Variants in MYO10 observed in about 807,000 individuals in gnomAD.
The protein encoded by MYO10 is myosin X.
In MYO10, 133 loss-of-function variants were observed where a neutral mutation model predicts 257.3. The ratio of observed to expected loss-of-function variants is 0.52; its 90% CI spans 0.45 to 0.60. The LOEUF is 0.60. MYO10 is among the 20% of genes least tolerant of loss of function. The pLI, the probability that MYO10 is intolerant of heterozygous loss-of-function variation, is 0.00. For synonymous variants in MYO10, 1,104 were observed against 1,028.6 expected (o/e 1.07, Z -1.40); for missense variants, 2,399 against 2,635.7 (o/e 0.91, Z 1.97).
chr5:16,917,022 G>A (rs774481106), intron 1 of MYO10, among the ~76,000 whole-genome samples: 3 of 152,108 alleles, frequency 2.0e-5, no homozygotes, highest in Admixed American at 6.5e-5. Context: ...AGGATCAGTG[G>A]AAACTCAAAG....
At chr5:16,680,573 C>G (rs1457090826) in intron 32 of MYO10, among the ~76,000 whole-genome samples, 1 of 152,152 alleles carries the variant, frequency 6.6e-6, no homozygotes, top group Admixed American at 6.5e-5. Context: ...TCACCCAAAC[C>G]TGACGCGAAT....
chr5:16,852,101 GGAAA>G (rs1743823974), intron 2 of MYO10, among the ~76,000 whole-genome samples: 1 of 146,582 alleles, frequency 6.8e-6, no homozygotes, highest in Non-Finnish European at 1.5e-5. Flanking sequence ...TCACTGGGAA[GGAAA>G]GAAGGAAGGA....
intron 2 of MYO10, among the ~76,000 whole-genome samples, chr5:16,851,093 C>G (rs898875173): frequency 6.6e-6 from 1 of 152,114 alleles, no homozygotes; most frequent in Non-Finnish European, 1.5e-5. Context: ...TGTGAGCCAC[C>G]ACACCTGGCT....
chr5:16,919,699 G>A (rs200799784), intron 1 of MYO10, among the ~76,000 whole-genome samples: 9 of 152,256 alleles, frequency 5.9e-5, no homozygotes, highest in South Asian at 4.1e-4. Flanking sequence ...CACACAGGCC[G>A]GGCGCAGTGG....
intron 2 of MYO10, among the ~76,000 whole-genome samples, chr5:16,871,141 C>A (rs1360746626): frequency 6.6e-6 from 1 of 152,186 alleles, no homozygotes; most frequent in Non-Finnish European, 1.5e-5. Flanking sequence ...GTTTCATCTT[C>A]CAAAACTGAA....
At chr5:16,861,635 A>G (rs572762254) in intron 2 of MYO10, among the ~76,000 whole-genome samples, 117 of 152,302 alleles carry the variant, frequency 7.7e-4, no homozygotes, top group African/African-American at 2.7e-3. Context: ...GAACCTTCCA[A>G]TCTTAAAAAG....
At position 16,701,315 on chromosome 5, in the gene MYO10, T is replaced by C; in HGVS notation, c.3080A>G (p.Asp1027Gly). 6.2e-7 allele frequency: 1 copy of C among 1,613,864 alleles called. No individual in the cohort carries two copies. The highest frequency in any genetic ancestry group is 8.5e-7 in the Non-Finnish European group (1 of 1,179,816). The change falls in exon 25 of 41, where the codon GAT becomes GGT. Residue 1027 changes from aspartate to glycine, a missense_variant. By Grantham distance (94) the Asp-to-Gly change is moderately conservative. Around this residue, in one of 3 missense-constraint regions of MYO10, gnomAD observed 1,820 missense variants for 1,939.4 expected, o/e 0.94. Transcript: ENST00000513610. The surrounding 1 kb of genome is among the most constrained non-coding windows in gnomAD (Gnocchi z 8.1). Reference sequence around the variant, plus strand: ...GTATGGGTCCTCCTCTGAAGAGTCATCGCTGGTCCGGATGCCACTTGTTCG... The same window carrying C: ...GTATGGGTCCTCCTCTGAAGAGTCACCGCTGGTCCGGATGCCACTTGTTCG... Reference protein sequence around the residue: ...DQRTSGIRTSDDSSEEDPYMN... With the variant: ...DQRTSGIRTSGDSSEEDPYMN...
At chr5:16,711,554 C>T (rs922568237) in intron 19 of MYO10, among the ~76,000 whole-genome samples, 6 of 152,262 alleles carry the variant, frequency 3.9e-5, no homozygotes, top group East Asian at 1.9e-4. Context: ...GAGGCCGAGG[C>T]GGGTGGATCA....
intron 19 of MYO10, among the ~76,000 whole-genome samples, chr5:16,730,844 C>T (rs1240697509): frequency 1.3e-5 from 2 of 152,048 alleles, no homozygotes; most frequent in Non-Finnish European, 2.9e-5. Flanking sequence ...GGATGCAGCA[C>T]GCTGCGGAGG....
At chr5:16,807,715 C>G in intron 3 of MYO10, among the ~76,000 whole-genome samples, 1 of 152,120 alleles carries the variant, frequency 6.6e-6, no homozygotes, top group East Asian at 1.9e-4. Context: ...GCTGCCAGGA[C>G]AGCTATCCTC....
intron 2 of MYO10, among the ~76,000 whole-genome samples, chr5:16,838,588 G>C (rs941769829): frequency 1.3e-5 from 2 of 152,188 alleles, no homozygotes; most frequent in Admixed American, 6.5e-5. Context: ...TGACAAAGAA[G>C]CTGCAGCAAG....
Position 16,763,837 on chromosome 5 carries a change from C to A in MYO10, c.1327-82G>T, listed in dbSNP as rs1470269558. On this transcript the variant is annotated intron_variant, in intron 12 of 40. Transcript: ENST00000513610. ...GGTGAAGAAAAGACAAAGAAAAGAT[C>A]TGCAGAGAAAAATATCAATGCCTGT... 5.6e-6 allele frequency: 5 copies of A among 898,510 alleles called. No individual in the cohort carries two copies. The Admixed American group carries it at 1.0e-4, about 18-fold the overall frequency. 55.7% of individuals were successfully genotyped at this position (898,510 alleles called of 1,614,324 possible).
intron 19 of MYO10, among the ~76,000 whole-genome samples, chr5:16,750,398 A>AC (rs960570462): frequency 3.8e-4 from 57 of 151,944 alleles, no homozygotes; most frequent in African/African-American, 1.3e-3. Context: ...TACATAGAAA[A>AC]CCCAAATTAA....
In MYO10 at chr5:16,729,564, G is replaced by C. The variant is rs183502013; in HGVS notation, c.1930-18319C>G. On this transcript the variant is annotated intron_variant, in intron 19 of 40. Transcript: ENST00000513610. ...CCTCCCGGGTTCACACCATTCTCCT[G>C]CCTCAGCCTCCCGGGTAGCTGGGAC... is the stretch of plus-strand genomic sequence containing the variant. 6.7e-3 allele frequency among the ~76,000 whole-genome samples: 1,004 copies of C among 150,882 alleles called. 5 individuals carry two copies. Among genetic ancestry groups the C allele is most frequent in the Non-Finnish European group, 0.01 (710 of 67,882 alleles).
chr5:16,850,512 G>A (rs60197098), intron 2 of MYO10, among the ~76,000 whole-genome samples: 2,430 of 152,086 alleles, frequency 0.016, 65 homozygotes, highest in African/African-American at 0.055. Flanking sequence ...TTCTGACCTC[G>A]TGATCCAGCT....
chr5:16,741,600 GTCCT>G (rs1740020195), intron 19 of MYO10, among the ~76,000 whole-genome samples: 1 of 152,084 alleles, frequency 6.6e-6, no homozygotes, highest in Non-Finnish European at 1.5e-5. Flanking sequence ...AGTGAATTGT[GTCCT>G]TCATTTTTAC....
rs767564646 is a variant in MYO10, at chr5:16,689,903, T to G, written c.3817A>C (p.Thr1273Pro). Residue 1273 changes from threonine (T) to proline (P), a missense_variant, in exon 28 of 41, where the codon ACC becomes CCC. By Grantham distance (38) the Thr-to-Pro change is conservative. Coordinates refer to ENST00000513610, the MANE Select transcript of MYO10 (RefSeq NM_012334.3). Reference sequence around the variant, plus strand: ...ATGTCGATCCCATTCTCCTTGGTGGTGTTATCTATGATCTCTCTGCAAAGA... The same window carrying G: ...ATGTCGATCCCATTCTCCTTGGTGGGGTTATCTATGATCTCTCTGCAAAGA... ...VRTAKEIIDNTTKENGIDIIM... is the reference protein window; with the variant it reads ...VRTAKEIIDNPTKENGIDIIM... 4 of 1,613,174 alleles carry G rather than the reference T, an allele frequency of 2.5e-6. No homozygotes were observed. Among genetic ancestry groups the G allele is most frequent in the Non-Finnish European group, 3.4e-6 (4 of 1,179,332 alleles).
At chr5:16,766,313 T>A in intron 10 of MYO10, 115 bp from the exon 11 acceptor site, 1 of 722,252 alleles carries the variant, frequency 1.4e-6, no homozygotes, top group East Asian at 2.7e-5. Flanking sequence ...GTTTAGAGAT[T>A]GCATGTTATT....
intron 1 of MYO10, among the ~76,000 whole-genome samples, chr5:16,887,143 G>A (rs963588067): frequency 6.6e-6 from 1 of 152,048 alleles, no homozygotes; most frequent in East Asian, 1.9e-4. Context: ...GGGAAGGATC[G>A]AATAGCACCC....
Sources: allele counts gnomAD v4.1 joint callset (sites outside exome capture counted in the v4.1 genomes callset), GRCh38; gene constraint gnomAD v4.1.1; regional missense constraint gnomAD v4.1.1; non-coding constraint Gnocchi (gnomAD v3.1); transcripts MANE v1.5; gene names NCBI Gene and HGNC (gene_info 2026-07-23, HGNC 2026-07-21).